CHEK2: variants seen among roughly 807,000 people sequenced by gnomAD.
The protein encoded by CHEK2 is checkpoint kinase 2.
In CHEK2, 71 loss-of-function variants were observed where a neutral mutation model predicts 69.1. The ratio of observed to expected loss-of-function variants is 1.03; its 90% CI spans 0.85 to 1.25. The LOEUF (loss-of-function observed/expected upper bound fraction) is 1.25, where lower values mean the gene tolerates loss of function less well. CHEK2 is among the 50% of genes most tolerant of loss of function. The probability of loss-of-function intolerance (pLI) is 0.00; values close to 1 mark genes in which losing one functional copy is unlikely to be tolerated. For synonymous variants in CHEK2, 189 were observed against 226.9 expected (o/e 0.83, Z 1.50); for missense variants, 664 against 649.6 (o/e 1.02, Z -0.24).
chr22:28,711,618 T>C (rs1283259581), intron 6 of CHEK2, among the ~76,000 whole-genome samples: 3 of 152,138 alleles, frequency 2.0e-5, no homozygotes, highest in Non-Finnish European at 4.4e-5. Flanking sequence ...CTGTCATTTA[T>C]TGTAAAAACA....
At chr22:28,705,778 T>G (rs967169865) in intron 7 of CHEK2, among the ~76,000 whole-genome samples, 1 of 151,352 alleles carries the variant, frequency 6.6e-6, no homozygotes, top group Non-Finnish European at 1.5e-5. Flanking sequence ...ACAAAAAAAT[T>G]AGCTGGGCGT....
At chr22:28,718,408 C>G (rs2053656206) in intron 5 of CHEK2, among the ~76,000 whole-genome samples, 1 of 151,986 alleles carries the variant, frequency 6.6e-6, no homozygotes, top group South Asian at 2.1e-4. Flanking sequence ...CCATATGATC[C>G]AGCAATCCCA....
At chr22:28,690,653 A>G (rs2052326664) in intron 13 of CHEK2, among the ~76,000 whole-genome samples, 1 of 151,592 alleles carries the variant, frequency 6.6e-6, no homozygotes, top group African/African-American at 2.4e-5. Flanking sequence ...AAAAATTTAA[A>G]TTAGCCAGAC....
chr22:28,700,763 A>C (rs1037536932), intron 8 of CHEK2, among the ~76,000 whole-genome samples: 10 of 152,252 alleles, frequency 6.6e-5, no homozygotes, highest in Admixed American at 4.6e-4. Context: ...AGCTCCTGGC[A>C]CAGGTGCTTG....
intron 2 of CHEK2, chr22:28,730,378 A>G: frequency 5.6e-6 from 3 of 536,958 alleles, no homozygotes; most frequent in Non-Finnish European, 1.0e-5. Context: ...AGGAAAAGGG[A>G]AAGAGAAAGG....
chr22:28,694,813 C>A (rs1405755123), intron 12 of CHEK2, among the ~76,000 whole-genome samples: 1 of 152,162 alleles, frequency 6.6e-6, no homozygotes, highest in Admixed American at 6.5e-5. Context: ...GTACCAGGCA[C>A]TTGTGTACAT....
At chr22:28,697,070 C>T (rs1028944988) in intron 9 of CHEK2, 83 bp from the exon 10 acceptor site, 4 of 840,912 alleles carry the variant, frequency 4.8e-6, no homozygotes, top group Non-Finnish European at 8.2e-6. Context: ...ACACATCTCA[C>T]AGCTGGGTGA....
intron 4 of CHEK2, among the ~76,000 whole-genome samples, chr22:28,720,472 C>A (rs773696169): frequency 3.9e-5 from 6 of 152,060 alleles, no homozygotes; most frequent in Non-Finnish European, 4.4e-5. Context: ...TAACCACCCA[C>A]GTGGGCCAAG....
intron 13 of CHEK2, among the ~76,000 whole-genome samples, chr22:28,693,044 C>A (rs572780453): frequency 1.3e-5 from 2 of 152,242 alleles, no homozygotes; most frequent in East Asian, 3.9e-4. Context: ...GTAAATTACC[C>A]AGTCTTGGGC....
intron 4 of CHEK2, chr22:28,721,489 G>A (rs564054485): frequency 2.6e-5 from 9 of 346,834 alleles, no homozygotes; most frequent in South Asian, 4.7e-5. Context: ...GTTTCACCAC[G>A]TTGACCAGGC....
At chr22:28,735,097 CACT>C (rs2054357292) in intron 1 of CHEK2, among the ~76,000 whole-genome samples, 1 of 152,078 alleles carries the variant, frequency 6.6e-6, no homozygotes, top group Admixed American at 6.6e-5. Context: ...ATACAATCAA[CACT>C]ACATTTAAAT....
At chr22:28,727,316 C>T (rs1294083049) in intron 2 of CHEK2, among the ~76,000 whole-genome samples, 1 of 152,222 alleles carries the variant, frequency 6.6e-6, no homozygotes, top group East Asian at 1.9e-4. Context: ...GCTGGGATAA[C>T]AGGCATGCGC....
intron 9 of CHEK2, 116 bp from the exon 10 acceptor site, chr22:28,697,103 AACCATATT>A: frequency 1.4e-6 from 1 of 711,496 alleles, no homozygotes. Context: ...TGATACACAC[AACCATATT>A]CTCCAAAATC....
rs768172525 is a variant in CHEK2 at position 28,696,900 on chromosome 22, C to T, written c.1095+1G>A. On this transcript the variant is annotated splice_donor_variant, in intron 10 of 14. Coordinates refer to ENST00000404276, the MANE Select transcript of CHEK2 (RefSeq NM_007194.4). LOFTEE classifies it high-confidence loss of function. The stretch of plus-strand genomic sequence containing the variant: ...CCACATACAGAATGCCAATTTCTTA[C>T]CTTTATAAGACAGTCCTCTTCTTGA... 6.2e-7 allele frequency: 1 copy of T among 1,602,188 alleles called. No individual in the cohort carries two copies. Among genetic ancestry groups the T allele is most frequent in the Non-Finnish European group, 8.6e-7 (1 of 1,169,262 alleles).
Position 28,704,237 on chromosome 22 carries a change from T to G in CHEK2, c.847-671A>C, listed in dbSNP as rs970312574. Among the ~76,000 whole-genome samples the G allele has an allele frequency of 4.6e-5, 7 of 151,704 alleles. No individual in the cohort carries two copies. The East Asian group carries it at 1.4e-3, about 29-fold the overall frequency. ...ACACTGAGGGTAAGGAAGAGAATAC[T>G]GCACATTTTAAAATGCCTATACAAT... On this transcript the variant is annotated intron_variant, in intron 7 of 14. Transcript: ENST00000404276.
chr22:28,712,821 A>T (rs1427090171), intron 5 of CHEK2, among the ~76,000 whole-genome samples: 1 of 152,228 alleles, frequency 6.6e-6, no homozygotes, highest in East Asian at 1.9e-4. Context: ...ACATAACACA[A>T]AATTTACCAC....
At position 28,724,999 on chromosome 22, in the gene CHEK2, T is replaced by G. The variant is rs754689169; in HGVS notation, c.570A>C (p.Ala190=). ...RRPLNNNSEI[A]LSLSRNKVFV... ...TACCTTTATTTCTGCTTAGTGACAG[T>G]GCAATTTCAGAATTGTTATTCAAAG... Residue 190 remains alanine (A), a synonymous_variant, in exon 4 of 15, where the codon GCA becomes GCC. Transcript: ENST00000404276. 1.2e-6 allele frequency: 2 copies of G among 1,614,062 alleles called. No individual in the cohort carries two copies. The highest frequency in any genetic ancestry group is 1.7e-6 in the Non-Finnish European group (2 of 1,180,002).
chr22:28,727,807 T>G lies in CHEK2; in HGVS notation c.320-2440A>C, dbSNP rs28485593. ...TCAGAAATCAAAAACACATTAAGAT[T>G]TCATGTTTTACCTATTAGATTGGCA... is the stretch of plus-strand genomic sequence containing the variant. On this transcript the variant is annotated intron_variant, in intron 2 of 14. Transcript: ENST00000404276. Among the ~76,000 whole-genome samples, 208 of 152,310 alleles carry G rather than the reference T, an allele frequency of 1.4e-3. 5 individuals are homozygous for G. In the East Asian group the frequency reaches 0.036, roughly 27 times the overall value.
rs2146099324 is a variant in CHEK2 at position 28,729,095 on chromosome 22, C to T, written c.320-3728G>A. 1.3e-5 allele frequency among the ~76,000 whole-genome samples: 2 copies of T among 152,310 alleles called. 1 individual carries two copies. The highest frequency in any genetic ancestry group is 4.1e-4 in the South Asian group (2 of 4,826). On this transcript the variant is annotated intron_variant, in intron 2 of 14. Coordinates refer to ENST00000404276, the MANE Select transcript of CHEK2 (RefSeq NM_007194.4). ...AATTCGGAACGGAACACTGTCAACT[C>T]ATCTATGAGGCCAGCATACCAAAAC...
Sources: gnomAD v4.1 joint callset for allele counts (sites outside exome capture counted in the v4.1 genomes callset) on GRCh38, gnomAD v4.1.1 for gene constraint, MANE v1.5 for transcripts, NCBI Gene and HGNC (gene_info 2026-07-23, HGNC 2026-07-21) for gene names.